PTPRN2: variants seen among roughly 807,000 people sequenced by gnomAD.
The protein encoded by PTPRN2 is receptor-type tyrosine-protein phosphatase N2.
Under a neutral mutation model 118.8 loss-of-function variants are expected in PTPRN2, and 74 were observed. The ratio of observed to expected loss-of-function variants is 0.62; its 90% CI spans 0.52 to 0.76. The LOEUF (loss-of-function observed/expected upper bound fraction) is 0.76, where lower values mean the gene tolerates loss of function less well. Among genes scored for constraint, PTPRN2 ranks in the 30% least tolerant of loss-of-function variants. PTPRN2 has a pLI of 0.00. For synonymous variants in PTPRN2, 641 were observed against 608.0 expected (o/e 1.05, Z -0.80); for missense variants, 1,481 against 1,394.4 (o/e 1.06, Z -0.99).
At chr7:158,165,227 C>T (rs1195112892) in intron 6 of PTPRN2, among the ~76,000 whole-genome samples, 7 of 116,068 alleles carry the variant, frequency 6.0e-5, no homozygotes, top group Admixed American at 2.0e-4. Flanking sequence ...CTAGTACCCA[C>T]GCAAGTGCAG....
At chr7:157,755,756 G>A (rs1801744323) in intron 12 of PTPRN2, among the ~76,000 whole-genome samples, 1 of 151,858 alleles carries the variant, frequency 6.6e-6, no homozygotes, top group South Asian at 2.1e-4. Context: ...GAGGGAAGGA[G>A]TGAAAAAAAA....
chr7:157,965,251 T>C (rs111405310), intron 11 of PTPRN2, among the ~76,000 whole-genome samples: 70 of 152,278 alleles, frequency 4.6e-4, no homozygotes, highest in African/African-American at 1.6e-3. Context: ...GACGAACCCT[T>C]TTTCACAGTG....
intron 11 of PTPRN2, among the ~76,000 whole-genome samples, chr7:157,938,799 G>A (rs1333887885): frequency 6.6e-6 from 1 of 152,216 alleles, no homozygotes; most frequent in Non-Finnish European, 1.5e-5. Flanking sequence ...GGGTGTTGGT[G>A]CTTATGTAGG....
intron 11 of PTPRN2, among the ~76,000 whole-genome samples, chr7:158,064,170 C>T (rs192973679): frequency 6.6e-6 from 1 of 152,326 alleles, no homozygotes; most frequent in Non-Finnish European, 1.5e-5. Context: ...GACAGAGAAA[C>T]CTGGGGTGAA....
chr7:157,816,159 C>T (rs796066577), intron 12 of PTPRN2, among the ~76,000 whole-genome samples: 17 of 152,318 alleles, frequency 1.1e-4, no homozygotes, highest in African/African-American at 4.1e-4. Flanking sequence ...GAATTGCAGC[C>T]CAGAGACCCC....
chr7:157,840,498 CTG>C (rs1455757701), intron 12 of PTPRN2, among the ~76,000 whole-genome samples: 2 of 151,994 alleles, frequency 1.3e-5, no homozygotes, highest in African/African-American at 4.8e-5. Flanking sequence ...GACTGTGTGA[CTG>C]TGTGGAGTGT....
chr7:157,577,278 TC>T (rs1288632590), intron 18 of PTPRN2, among the ~76,000 whole-genome samples: 2 of 152,130 alleles, frequency 1.3e-5, no homozygotes, highest in Non-Finnish European at 2.9e-5. Context: ...CGCAGGCACT[TC>T]CGGGCCTAAG....
At chr7:157,875,342 T>C (rs942616304) in intron 12 of PTPRN2, among the ~76,000 whole-genome samples, 7 of 152,194 alleles carry the variant, frequency 4.6e-5, no homozygotes, top group African/African-American at 1.7e-4. Flanking sequence ...GCGTGAGGGC[T>C]TCCTCCTATC....
intron 6 of PTPRN2, among the ~76,000 whole-genome samples, chr7:158,153,033 C>T (rs112215029): frequency 1.2e-3 from 169 of 139,902 alleles, no homozygotes; most frequent in Middle Eastern, 3.8e-3. Flanking sequence ...ACTGGGGGGA[C>T]AAGAGCAGAC....
chr7:157,608,618 A>C (rs1802145462), intron 15 of PTPRN2, among the ~76,000 whole-genome samples: 1 of 152,162 alleles, frequency 6.6e-6, no homozygotes, highest in African/African-American at 2.4e-5. Flanking sequence ...GAGTCCCCTA[A>C]AGGGCAGTTT....
chr7:158,016,410 C>T (rs1196458057), intron 11 of PTPRN2, among the ~76,000 whole-genome samples: 1 of 152,124 alleles, frequency 6.6e-6, no homozygotes, highest in Non-Finnish European at 1.5e-5. Context: ...AGAGAAGGGC[C>T]GAGTCGAGAA....
At chr7:158,562,474 C>A (rs945468194) in intron 1 of PTPRN2, among the ~76,000 whole-genome samples, 1 of 152,136 alleles carries the variant, frequency 6.6e-6, no homozygotes, top group Non-Finnish European at 1.5e-5. Context: ...CTCCATCTGC[C>A]CTTTACATGA....
rs1036690594 is a variant in PTPRN2, at chr7:158,138,335, G to A, written c.1091C>T (p.Ala364Val). 1.1e-5 allele frequency: 17 copies of A among 1,613,446 alleles called. No homozygotes were observed. The highest frequency in any genetic ancestry group is 5.5e-5 in the South Asian group (5 of 91,088). ...ACGGAGGGTGGCCTTGGGGCCATCC[G>A]CCTGTTCTCCAGACTCTCCCAGGGC... is the stretch of plus-strand genomic sequence containing the variant. ...RAALGESGEQ[A>V]DGPKATLRGD... The change falls in exon 7 of 23, where the codon GCG (alanine) becomes GTG (valine). Residue 364 changes from alanine to valine, a missense_variant. Coordinates refer to ENST00000389418, the MANE Select transcript of PTPRN2 (RefSeq NM_002847.5).
intron 2 of PTPRN2, among the ~76,000 whole-genome samples, chr7:158,402,088 G>A (rs933944591): frequency 2.0e-5 from 3 of 152,136 alleles, no homozygotes; most frequent in Admixed American, 6.5e-5. Flanking sequence ...GTGTGAAAGA[G>A]AGGAGATGAG....
chr7:158,422,436 A>T (rs1180015682), intron 2 of PTPRN2, among the ~76,000 whole-genome samples: 1 of 152,140 alleles, frequency 6.6e-6, no homozygotes, highest in Non-Finnish European at 1.5e-5. Context: ...GAGCCGGAAA[A>T]CTCTGAATGC....
At chr7:158,232,963 T>TA (rs1829265856) in intron 3 of PTPRN2, among the ~76,000 whole-genome samples, 1 of 152,096 alleles carries the variant, frequency 6.6e-6, no homozygotes, top group Admixed American at 6.5e-5. Flanking sequence ...AATCCACAGC[T>TA]AACACCATAA....
intron 1 of PTPRN2, among the ~76,000 whole-genome samples, chr7:158,562,409 A>G (rs1827444979): frequency 6.6e-6 from 1 of 152,178 alleles, no homozygotes; most frequent in Non-Finnish European, 1.5e-5. Context: ...CAACACATGC[A>G]CTTGCGGGGA....
intron 10 of PTPRN2, among the ~76,000 whole-genome samples, chr7:158,098,387 T>A (rs1374385027): frequency 6.6e-6 from 1 of 152,160 alleles, no homozygotes; most frequent in East Asian, 1.9e-4. Flanking sequence ...GGTTTGACTC[T>A]GTAGGAAAGA....
chr7:157,762,759 A>G (rs1221721011), intron 12 of PTPRN2, among the ~76,000 whole-genome samples: 4 of 149,978 alleles, frequency 2.7e-5, no homozygotes, highest in Admixed American at 6.7e-5. Flanking sequence ...AAAAAAAAAG[A>G]GAAAAAAGAA....
Sources: gnomAD v4.1 joint callset for allele counts (sites outside exome capture counted in the v4.1 genomes callset) on GRCh38, gnomAD v4.1.1 for gene constraint, MANE v1.5 for transcripts, NCBI Gene and HGNC (gene_info 2026-07-23, HGNC 2026-07-21) for gene names.